Variants in NELL1 observed in about 807,000 individuals in gnomAD.
NELL1 encodes the protein protein kinase C-binding protein NELL1.
Under a neutral mutation model 107.4 loss-of-function variants are expected in NELL1, and 76 were observed. That is an observed-to-expected ratio of 0.71 (90% confidence interval 0.59 to 0.86). NELL1 has a LOEUF of 0.86. NELL1 is among the 40% of genes least tolerant of loss of function. The pLI is 0.00. For synonymous variants in NELL1, 353 were observed against 341.2 expected, an observed-to-expected ratio of 1.03 and a Z score of -0.38; for missense variants, 1,024 against 1,005.5, an observed-to-expected ratio of 1.02 and a Z score of -0.25.
At chr11:20,748,435 A>G (rs1856052440) in intron 2 of NELL1, among the ~76,000 whole-genome samples, 1 of 152,216 alleles carries the variant, frequency 6.6e-6, no homozygotes, top group South Asian at 2.1e-4. Context: ...TTTGGGATAC[A>G]AAGTAGTTTT....
At chr11:21,570,979 C>T in intron 18 of NELL1, 39 bp downstream of exon 18, 1 of 1,574,810 alleles carries the variant, frequency 6.3e-7, no homozygotes, top group Non-Finnish European at 8.7e-7. Flanking sequence ...AGCCTTTACT[C>T]TGAAAGAGGT....
At chr11:21,501,549 C>T (rs879368053) in intron 15 of NELL1, among the ~76,000 whole-genome samples, 2 of 152,122 alleles carry the variant, frequency 1.3e-5, no homozygotes, top group African/African-American at 4.8e-5. Flanking sequence ...TTATTTGAGT[C>T]ATCAACAATG....
At chr11:20,926,156 G>A (rs1028066277) in intron 7 of NELL1, among the ~76,000 whole-genome samples, 3 of 152,186 alleles carry the variant, frequency 2.0e-5, no homozygotes, top group Admixed American at 1.3e-4. Context: ...GTAAGGGAAA[G>A]GAAAGGAAGA....
intron 14 of NELL1, among the ~76,000 whole-genome samples, chr11:21,350,093 C>A (rs1009812363): frequency 6.6e-6 from 1 of 152,080 alleles, no homozygotes; most frequent in East Asian, 1.9e-4. Flanking sequence ...TCATCACATC[C>A]ATTTTTTTCT....
At chr11:20,844,196 A>G (rs1467046178) in intron 3 of NELL1, among the ~76,000 whole-genome samples, 1 of 152,158 alleles carries the variant, frequency 6.6e-6, no homozygotes, top group Non-Finnish European at 1.5e-5. Flanking sequence ...GACCATGCCT[A>G]GCGCATGGTG....
At chr11:20,692,260 A>T (rs1344554998) in intron 2 of NELL1, among the ~76,000 whole-genome samples, 3 of 143,418 alleles carry the variant, frequency 2.1e-5, no homozygotes, top group Non-Finnish European at 3.1e-5. Flanking sequence ...AATTTTTTGA[A>T]GGGTTTTTTT....
chr11:21,308,702 T>A (rs1403779407), intron 14 of NELL1, among the ~76,000 whole-genome samples: 1 of 152,064 alleles, frequency 6.6e-6, no homozygotes, highest in Admixed American at 6.6e-5. Flanking sequence ...TTCTTCAACT[T>A]TACTTTGAAG....
chr11:21,476,488 T>C (rs1854335853), intron 15 of NELL1, among the ~76,000 whole-genome samples: 1 of 152,138 alleles, frequency 6.6e-6, no homozygotes, highest in Admixed American at 6.6e-5. Flanking sequence ...TATGATAATA[T>C]GTTGATATCA....
At chr11:21,534,633 C>A in intron 16 of NELL1, 119 bp downstream of exon 16, 1 of 1,091,268 alleles carries the variant, frequency 9.2e-7, no homozygotes, top group Non-Finnish European at 1.3e-6. Context: ...TTAAATGCAT[C>A]AGTTTTCAAA....
chr11:21,025,053 G>A (rs1000818337), intron 12 of NELL1, among the ~76,000 whole-genome samples: 2 of 152,056 alleles, frequency 1.3e-5, no homozygotes, highest in Non-Finnish European at 2.9e-5. Flanking sequence ...TCCTCAAAGA[G>A]CTTGTCTTGG....
chr11:20,979,867 G>C (rs149317234), intron 12 of NELL1, among the ~76,000 whole-genome samples: 41 of 152,160 alleles, frequency 2.7e-4, no homozygotes, highest in African/African-American at 9.4e-4. Context: ...TCCAGGGCAC[G>C]GTTTTGGAGG....
chr11:20,835,580 G>A (rs1487889573), intron 3 of NELL1, among the ~76,000 whole-genome samples: 2 of 152,132 alleles, frequency 1.3e-5, no homozygotes, highest in Admixed American at 1.3e-4. Context: ...AAAAAAGTAT[G>A]GAACAGTGAG....
intron 15 of NELL1, among the ~76,000 whole-genome samples, chr11:21,381,926 T>G (rs962588754): frequency 9.1e-6 from 1 of 109,396 alleles, no homozygotes; most frequent in Non-Finnish European, 2.1e-5. Context: ...TTTTTTTTTT[T>G]TTTTTTTTGC....
intron 15 of NELL1, among the ~76,000 whole-genome samples, chr11:21,431,759 C>A (rs563281494): frequency 4.1e-4 from 62 of 152,264 alleles, no homozygotes; most frequent in African/African-American, 1.4e-3. Flanking sequence ...CTCCTTTCTG[C>A]CTTTACCATT....
In NELL1 at chr11:21,113,698, T is replaced by G; in HGVS notation, c.1410T>G (p.Asp470Glu). 1 of 1,611,932 alleles carries G rather than the reference T, an allele frequency of 6.2e-7. No homozygotes were observed. The highest frequency in any genetic ancestry group is 1.3e-5 in the African/African-American group (1 of 74,902). ...GTGTCCCAGGATACATTCGTGTGGATGACTTCTCTTGTACAGGTGAGCTTT... is the reference window on the plus strand; with the variant it reads ...GTGTCCCAGGATACATTCGTGTGGAGGACTTCTCTTGTACAGGTGAGCTTT... ...CDCVPGYIRV[D>E]DFSCTEHDEC... The change falls in exon 13 of 20, where the codon GAT becomes GAG. Residue 470 changes from aspartate (D) to glutamate (E), a missense_variant. By Grantham distance (45) the Asp-to-Glu change is conservative. Coordinates refer to ENST00000357134, the MANE Select transcript of NELL1 (RefSeq NM_006157.5).
At chr11:21,220,826 T>A (rs1195742410) in intron 13 of NELL1, among the ~76,000 whole-genome samples, 1 of 152,204 alleles carries the variant, frequency 6.6e-6, no homozygotes, top group Non-Finnish European at 1.5e-5. Context: ...GAGGGCAATT[T>A]GACTTCCTTT....
intron 14 of NELL1, among the ~76,000 whole-genome samples, chr11:21,276,321 C>T (rs575076346): frequency 9.2e-5 from 14 of 152,220 alleles, no homozygotes; most frequent in East Asian, 1.9e-4. Flanking sequence ...AATAAAATAC[C>T]TAGGAATCCA....
At chr11:20,973,785 G>T (rs1201834332) in intron 12 of NELL1, among the ~76,000 whole-genome samples, 1 of 152,206 alleles carries the variant, frequency 6.6e-6, no homozygotes, top group Non-Finnish European at 1.5e-5. Flanking sequence ...CTAAGGAGCT[G>T]CTATAGAGAT....
chr11:21,279,972 A>G (rs1290646176), intron 14 of NELL1, among the ~76,000 whole-genome samples: 1 of 152,326 alleles, frequency 6.6e-6, no homozygotes, highest in East Asian at 1.9e-4. Context: ...TGCAAATGTC[A>G]CATGTGATTT....
Sources: gnomAD v4.1 joint callset for allele counts (sites outside exome capture counted in the v4.1 genomes callset) on GRCh38, gnomAD v4.1.1 for gene constraint, MANE v1.5 for transcripts, NCBI Gene and HGNC (gene_info 2026-07-23, HGNC 2026-07-21) for gene names.